The following TDP1 variants were observed in gnomAD, a reference collection of about 807,000 sequenced individuals.
The protein encoded by TDP1 is tyr-DNA phosphodiesterase 1.
TDP1 carries 64 observed loss-of-function variants against 81.5 expected under a neutral mutation model. The ratio of observed to expected loss-of-function variants is 0.79; its 90% confidence interval spans 0.64 to 0.97. The LOEUF is 0.97. TDP1 is among the 50% of genes least tolerant of loss of function. The pLI is 0.00. For synonymous variants in TDP1, 256 were observed against 264.3 expected, an observed-to-expected ratio of 0.97 and a Z score of 0.30; for missense variants, 723 against 743.8, an observed-to-expected ratio of 0.97 and a Z score of 0.33.
chr14:90,023,386 A>G (rs1191610569), intron 15 of TDP1, among the ~76,000 whole-genome samples: 1 of 152,176 alleles, frequency 6.6e-6, no homozygotes, highest in Non-Finnish European at 1.5e-5. Flanking sequence ...GAGGCTTGGA[A>G]TTCCAATCTG....
rs891244896 is a variant in TDP1 at position 89,964,133 on chromosome 14, C to T, written c.559+460C>T. The stretch of plus-strand genomic sequence containing the variant: ...CCTGCAGTCTGTGTTTTCACGAGCC[C>T]TTGAGGGGATTCTACTGCCCAGTCA... On this transcript the variant is annotated intron_variant, in intron 3 of 16. Transcript: ENST00000335725. 2.6e-5 allele frequency among the ~76,000 whole-genome samples: 4 copies of T among 152,292 alleles called. No homozygotes were observed. The East Asian group carries it at 7.7e-4, about 29-fold the overall frequency.
At chr14:89,989,282 A>G in intron 11 of TDP1, 192 bp downstream of exon 11, 2 of 984,168 alleles carry the variant, frequency 2.0e-6, no homozygotes, top group Non-Finnish European at 2.4e-6. Flanking sequence ...CCTTTGCCTT[A>G]ATATCCAGTG....
intron 14 of TDP1, among the ~76,000 whole-genome samples, chr14:89,997,921 A>T (rs1358510644): frequency 6.8e-6 from 1 of 147,766 alleles, no homozygotes; most frequent in African/African-American, 2.7e-5. Flanking sequence ...AATGCAATAA[A>T]CAATAAAACA....
intron 14 of TDP1, among the ~76,000 whole-genome samples, chr14:90,004,836 T>C (rs1322924016): frequency 1.3e-5 from 2 of 152,178 alleles, no homozygotes; most frequent in Non-Finnish European, 2.9e-5. Flanking sequence ...CACAGCTCTC[T>C]AGGAGAGTTA....
rs1369504685 is a variant in TDP1, at chr14:90,044,217, A to T, written c.*1074A>T. The T allele has an allele frequency of 1.3e-5, 2 of 152,238 alleles. No individual in the cohort carries two copies. The highest frequency in any genetic ancestry group is 1.5e-5 in the Non-Finnish European group (1 of 68,054). 9.4% of individuals were successfully genotyped at this position (152,238 alleles called of 1,614,324 possible). On this transcript the variant is annotated 3_prime_UTR_variant, in exon 17 of 17. Coordinates refer to ENST00000335725, the MANE Select transcript of TDP1 (RefSeq NM_018319.4). ...TTCAGAGGAAGCAGCTCATAGAAACATACAAAAGCACACAAGTATTTTGGG... is the reference window on the plus strand; with the variant it reads ...TTCAGAGGAAGCAGCTCATAGAAACTTACAAAAGCACACAAGTATTTTGGG...
chr14:90,017,507 C>T (rs1475479068), intron 14 of TDP1, among the ~76,000 whole-genome samples: 1 of 152,158 alleles, frequency 6.6e-6, no homozygotes, highest in African/African-American at 2.4e-5. Flanking sequence ...GAAAGGCTGT[C>T]CTTGTGATCT....
At chr14:89,999,528 C>T (rs1309976043) in intron 14 of TDP1, among the ~76,000 whole-genome samples, 4 of 152,050 alleles carry the variant, frequency 2.6e-5, no homozygotes, top group African/African-American at 7.2e-5. Flanking sequence ...ATTACTGATC[C>T]GTATTAATGT....
intron 14 of TDP1, among the ~76,000 whole-genome samples, chr14:89,997,675 C>T (rs1896758403): frequency 6.6e-6 from 1 of 152,164 alleles, no homozygotes; most frequent in Non-Finnish European, 1.5e-5. Context: ...AAATACATAT[C>T]AGGTGGGCTT....
intron 6 of TDP1, among the ~76,000 whole-genome samples, chr14:89,972,901 A>T (rs1242589595): frequency 1.3e-5 from 2 of 152,322 alleles, no homozygotes; most frequent in East Asian, 3.9e-4. Context: ...AGAGTGAATT[A>T]CATCCTTTCT....
At chr14:90,030,876 C>T (rs1211105930) in intron 15 of TDP1, among the ~76,000 whole-genome samples, 1 of 151,944 alleles carries the variant, frequency 6.6e-6, no homozygotes, top group Non-Finnish European at 1.5e-5. Context: ...AGCTATTCTC[C>T]TGCCTCAGCC....
At position 89,985,192 on chromosome 14, in the gene TDP1, A is replaced by C. The variant is rs755841799; in HGVS notation, c.1113A>C (p.Gly371=). The change falls in exon 10 of 17, where the codon GGA becomes GGC. Residue 371 remains glycine (G), a synonymous_variant. Coordinates refer to ENST00000335725, the MANE Select transcript of TDP1 (RefSeq NM_018319.4). ...RFQGSQKDNW[G]HFRLKKLLKD... ...AAGGAAGTCAAAAAGATAATTGGGG[A>C]CATTTTAGACTTAAGAAGGTAACAG... The C allele has an allele frequency of 6.2e-7, 1 of 1,608,028 alleles. No homozygotes were observed. Among genetic ancestry groups the C allele is most frequent in the Non-Finnish European group, 8.5e-7 (1 of 1,176,442 alleles).
At chr14:89,963,024 G>T in intron 2 of TDP1, 84 bp from the exon 3 acceptor site, 2 of 1,603,170 alleles carry the variant, frequency 1.2e-6, no homozygotes, top group Non-Finnish European at 1.7e-6. Context: ...CAGCTCATCT[G>T]ACAGGGAAGT....
At chr14:90,022,899 C>A in intron 15 of TDP1, 1 of 805,618 alleles carries the variant, frequency 1.2e-6, no homozygotes, top group South Asian at 1.7e-5. Context: ...GAGAGGCTGT[C>A]CAACGGAACA....
chr14:90,034,947 C>G (rs941096468), intron 16 of TDP1, among the ~76,000 whole-genome samples: 7 of 152,214 alleles, frequency 4.6e-5, no homozygotes, highest in Non-Finnish European at 1.0e-4. Flanking sequence ...GTCGCACTAA[C>G]CTTCCCAGCT....
chr14:90,044,025 G>A lies in TDP1; in HGVS notation c.*882G>A, dbSNP rs966814289. ...TTTCAGCCCCCTGCAGCTAAGAATTGTATTGACTGTCCTCACAGCGGCTTT... is the reference window on the plus strand; with the variant it reads ...TTTCAGCCCCCTGCAGCTAAGAATTATATTGACTGTCCTCACAGCGGCTTT... On this transcript the variant is annotated 3_prime_UTR_variant, in exon 17 of 17. Coordinates refer to ENST00000335725, the MANE Select transcript of TDP1 (RefSeq NM_018319.4). The A allele has an allele frequency of 5.3e-5, 8 of 152,206 alleles. No individual in the cohort carries two copies. Among genetic ancestry groups the A allele is most frequent in the Non-Finnish European group, 1.0e-4 (7 of 68,074 alleles). The allele number at this position is 152,206 out of a possible 1,614,324, so 9.4% of individuals were successfully genotyped here. A position where few individuals can be genotyped will look rare whatever the true frequency, so the allele number is the denominator to read the frequency against.
chr14:90,018,394 A>T (rs1438689132), intron 14 of TDP1, among the ~76,000 whole-genome samples: 3 of 152,094 alleles, frequency 2.0e-5, no homozygotes, highest in African/African-American at 7.2e-5. Context: ...ATTCCTGAGC[A>T]CCTTAATATG....
intron 14 of TDP1, among the ~76,000 whole-genome samples, chr14:90,007,010 A>G (rs36101385): frequency 2.6e-5 from 4 of 152,192 alleles, no homozygotes; most frequent in African/African-American, 4.8e-5. Context: ...TTATTCACCA[A>G]TATTTTCATT....
intron 7 of TDP1, among the ~76,000 whole-genome samples, chr14:89,979,391 C>T (rs1447204321): frequency 1.3e-5 from 2 of 151,564 alleles, no homozygotes; most frequent in Admixed American, 6.6e-5. Context: ...CTCACTGCAA[C>T]CTCCGCCTCC....
At position 89,993,434 on chromosome 14, in the gene TDP1, A is replaced by G. The variant is rs1331604144; in HGVS notation, c.1492A>G (p.Met498Val). The change falls in exon 14 of 17, where the codon ATG becomes GTG. Residue 498 changes from methionine (M) to valine (V), a missense_variant. Coordinates refer to ENST00000335725, the MANE Select transcript of TDP1 (RefSeq NM_018319.4). ...SNAMPHIKTY[M>V]RPSPDFSKIA... The stretch of plus-strand genomic sequence containing the variant: ...TGCCATGCCACATATTAAGACATAT[A>G]TGAGGCCTTCTCCAGACTTCAGTAA... The G allele has an allele frequency of 3.1e-6, 5 of 1,613,814 alleles. No individual in the cohort carries two copies. Among genetic ancestry groups the G allele is most frequent in the Admixed American group, 3.3e-5 (2 of 59,984 alleles).
Sources: gnomAD v4.1 joint callset for allele counts (sites outside exome capture counted in the v4.1 genomes callset) on GRCh38, gnomAD v4.1.1 for gene constraint, MANE v1.5 for transcripts, NCBI Gene and HGNC (gene_info 2026-07-23, HGNC 2026-07-21) for gene names.